DOCK1: variants seen among roughly 807,000 people sequenced by gnomAD.
DOCK1 encodes dedicator of cytokinesis protein 1.
DOCK1 carries 138 observed loss-of-function variants against 262.7 expected under a neutral mutation model. That is an observed-to-expected ratio of 0.53 (90% CI 0.46 to 0.61). The LOEUF is 0.61. DOCK1 is among the 20% of genes least tolerant of loss of function. DOCK1 has a pLI of 0.00. For synonymous variants in DOCK1, 866 were observed against 867.4 expected (o/e 1.00, Z 0.03); for missense variants, 1,908 against 2,370.7 (o/e 0.80, Z 4.05).
At position 127,447,639 on chromosome 10, in the gene DOCK1, G is replaced by T. The variant is rs868488892; in HGVS notation, c.5565+94G>T. On this transcript the variant is annotated intron_variant, in intron 51 of 51. Transcript: ENST00000623213. ...CCAGATACTAGCAGGTTTACTTCGGGCTAGTGAGCACATGAGGAAAACCAT... is the reference window on the plus strand; with the variant it reads ...CCAGATACTAGCAGGTTTACTTCGGTCTAGTGAGCACATGAGGAAAACCAT... The T allele has an allele frequency of 2.3e-5, 35 of 1,511,564 alleles. 1 individual carries two copies. The Middle Eastern group carries it at 3.5e-3, about 151-fold the overall frequency. 93.6% of individuals were successfully genotyped at this position (1,511,564 alleles called of 1,614,324 possible).
intron 23 of DOCK1, among the ~76,000 whole-genome samples, chr10:127,070,250 C>CTTTT (rs71032535): frequency 0.024 from 2,236 of 92,848 alleles, 104 homozygotes; most frequent in East Asian, 0.051. Flanking sequence ...GAATTTAGCC[C>CTTTT]TTTTTTTTTT....
chr10:127,311,829 C>G (rs1241788006), intron 29 of DOCK1, among the ~76,000 whole-genome samples: 3 of 152,072 alleles, frequency 2.0e-5, no homozygotes, highest in Admixed American at 2.0e-4. Context: ...CCTACATGCT[C>G]AGTATATATC....
intron 29 of DOCK1, among the ~76,000 whole-genome samples, chr10:127,284,306 A>G (rs2061070309): frequency 6.6e-6 from 1 of 152,084 alleles, no homozygotes; most frequent in South Asian, 2.1e-4. Context: ...TTTTACATAC[A>G]AATATTTAAT....
At chr10:126,986,625 A>G (rs2039410214) in intron 4 of DOCK1, among the ~76,000 whole-genome samples, 2 of 152,158 alleles carry the variant, frequency 1.3e-5, no homozygotes, top group Admixed American at 1.3e-4. Context: ...GAATAAGTCA[A>G]GGGGCTGGGC....
chr10:127,085,828 G>A (rs2047163296), intron 23 of DOCK1, among the ~76,000 whole-genome samples: 1 of 152,118 alleles, frequency 6.6e-6, no homozygotes, highest in East Asian at 1.9e-4. Flanking sequence ...ATAGAGAACA[G>A]ATCTAAATTA....
chr10:126,908,091 G>T (rs373619649), intron 1 of DOCK1, among the ~76,000 whole-genome samples: 1 of 151,968 alleles, frequency 6.6e-6, no homozygotes, highest in Admixed American at 6.5e-5. Flanking sequence ...CCACTCCATC[G>T]GCATCCAGAG....
At chr10:127,295,159 A>G (rs2061464421) in intron 29 of DOCK1, among the ~76,000 whole-genome samples, 2 of 152,146 alleles carry the variant, frequency 1.3e-5, no homozygotes, top group African/African-American at 4.8e-5. Context: ...CAAGAGGTTT[A>G]TTTGGCCCAT....
chr10:126,927,440 C>T (rs1591342675), intron 1 of DOCK1, among the ~76,000 whole-genome samples: 1 of 151,984 alleles, frequency 6.6e-6, no homozygotes, highest in South Asian at 2.1e-4. Flanking sequence ...GAGTTACTGT[C>T]TCATTCTTTT....
At chr10:127,407,147 TAGG>T (rs2067563647) in intron 40 of DOCK1, among the ~76,000 whole-genome samples, 2 of 152,170 alleles carry the variant, frequency 1.3e-5, no homozygotes, top group South Asian at 4.1e-4. Flanking sequence ...TTTAGCGATT[TAGG>T]AGAACTCAGA....
chr10:127,038,399 C>A (rs892536591), intron 19 of DOCK1, among the ~76,000 whole-genome samples: 40 of 152,162 alleles, frequency 2.6e-4, no homozygotes, highest in Admixed American at 1.7e-3. Context: ...CACTACAGGA[C>A]TCACAACAGT....
chr10:127,408,905 T>C, intron 40 of DOCK1, 132 bp from the exon 41 acceptor site: 2 of 1,260,550 alleles, frequency 1.6e-6, no homozygotes, highest in Non-Finnish European at 2.1e-6. Context: ...AAAATAAAAA[T>C]TACAAGTTGT....
At chr10:127,116,809 C>T (rs1309503866) in intron 25 of DOCK1, among the ~76,000 whole-genome samples, 2 of 152,194 alleles carry the variant, frequency 1.3e-5, no homozygotes, top group Admixed American at 6.5e-5. Flanking sequence ...GCCACATTCA[C>T]TTAATGTACC....
At chr10:126,973,096 T>C (rs748593396) in intron 2 of DOCK1, among the ~76,000 whole-genome samples, 1 of 152,076 alleles carries the variant, frequency 6.6e-6, no homozygotes, top group Non-Finnish European at 1.5e-5. Flanking sequence ...GCCGGTCAGT[T>C]GAAGTTGAAA....
chr10:127,057,690 A>G (rs138030766), intron 22 of DOCK1, among the ~76,000 whole-genome samples: 180 of 152,312 alleles, frequency 1.2e-3, no homozygotes, highest in Non-Finnish European at 2.4e-3. Flanking sequence ...GAAAACAGAT[A>G]TTCTGCATCA....
At chr10:127,172,177 A>G (rs1423563012) in intron 27 of DOCK1, among the ~76,000 whole-genome samples, 2 of 152,228 alleles carry the variant, frequency 1.3e-5, no homozygotes, top group Non-Finnish European at 2.9e-5. Context: ...TACATAAAGT[A>G]AGCCCTGTGA....
At chr10:127,282,043 C>T (rs930487709) in intron 29 of DOCK1, among the ~76,000 whole-genome samples, 1 of 152,126 alleles carries the variant, frequency 6.6e-6, no homozygotes, top group African/African-American at 2.4e-5. Context: ...GTGCATAAAT[C>T]TCATGTTTTA....
intron 1 of DOCK1, among the ~76,000 whole-genome samples, chr10:126,931,876 CATT>C (rs2034216382): frequency 6.6e-6 from 1 of 152,134 alleles, no homozygotes. Context: ...GAGTACCTGG[CATT>C]ATTATTAGCC....
chr10:127,161,586 C>G (rs1243583882), intron 27 of DOCK1, among the ~76,000 whole-genome samples: 1 of 152,248 alleles, frequency 6.6e-6, no homozygotes, highest in Non-Finnish European at 1.5e-5. Context: ...TGCCTCTGTT[C>G]TCCCCTGCTT....
chr10:127,024,214 T>C (rs4387271), intron 14 of DOCK1, among the ~76,000 whole-genome samples: 60,860 of 151,852 alleles, frequency 0.4, 12,430 homozygotes, highest in African/African-American at 0.48. Context: ...CTGGGTGAAC[T>C]CTGTCCAGCA....
Sources: gnomAD v4.1 joint callset for allele counts (sites outside exome capture counted in the v4.1 genomes callset) on GRCh38, gnomAD v4.1.1 for gene constraint, MANE v1.5 for transcripts, NCBI Gene and HGNC (gene_info 2026-07-23, HGNC 2026-07-21) for gene names.